The following CACNB1 variants were observed in gnomAD, a reference collection of about 807,000 sequenced individuals.
CACNB1 encodes the protein voltage-dependent L-type calcium channel subunit beta-1.
Under a neutral mutation model 71.6 loss-of-function variants are expected in CACNB1, and 29 were observed. That is an observed-to-expected ratio of 0.40 (90% confidence interval 0.30 to 0.55). The LOEUF is 0.55. Among genes scored for constraint, CACNB1 ranks in the 20% least tolerant of loss-of-function variants. The pLI is 0.38. For synonymous variants in CACNB1, 300 were observed against 319.6 expected (o/e 0.94, Z 0.65); for missense variants, 623 against 801.8 (o/e 0.78, Z 2.69).
At chr17:39,188,704 A>G (rs1045554158) in intron 3 of CACNB1, among the ~76,000 whole-genome samples, 2 of 152,178 alleles carry the variant, frequency 1.3e-5, no homozygotes, top group Non-Finnish European at 2.9e-5. Context: ...CAGGAATGAA[A>G]AGGGTTGGGG....
chr17:39,177,630 G>A, intron 12 of CACNB1, 95 bp from the exon 13 acceptor site: 2 of 966,740 alleles, frequency 2.1e-6, no homozygotes, highest in Non-Finnish European at 3.1e-6. Context: ...AGAGTCAAGG[G>A]ATTGAAGGAC....
At chr17:39,191,120 C>T (rs1480829574) in intron 3 of CACNB1, among the ~76,000 whole-genome samples, 2 of 152,006 alleles carry the variant, frequency 1.3e-5, no homozygotes, top group African/African-American at 4.8e-5. Context: ...AGGAGAATGG[C>T]GTGAACCCGG....
At position 39,197,577 on chromosome 17, in the gene CACNB1, C is replaced by A. The variant is rs952775190; in HGVS notation, c.-82G>T. 2.0e-5 allele frequency: 21 copies of A among 1,062,300 alleles called. No individual in the cohort carries two copies. The highest frequency in any genetic ancestry group is 3.0e-4 in the Middle Eastern group (1 of 3,376). The allele number at this position is 1,062,300 out of a possible 1,614,324, so 65.8% of individuals were successfully genotyped here. A position where few individuals can be genotyped will look rare whatever the true frequency, so the allele number is the denominator to read the frequency against. ...TGGGAGAGGCCGTGGGAGCCGAAAG[C>A]AGCGCGGCGCAGCCAGCACCCGGTC... On this transcript the variant is annotated 5_prime_UTR_variant, in exon 1 of 14. Coordinates refer to ENST00000394303, the MANE Select transcript of CACNB1 (RefSeq NM_000723.5).
chr17:39,184,133 T>TG lies in CACNB1; in HGVS notation c.795dup (p.Ile266HisfsTer12). 1 of 1,604,054 alleles carries TG rather than the reference T, an allele frequency of 6.2e-7. No homozygotes were observed. The highest frequency in any genetic ancestry group is 8.5e-7 in the Non-Finnish European group (1 of 1,172,538). On this transcript the variant is annotated frameshift_variant, in exon 10 of 14. Transcript: ENST00000394303. LOFTEE classifies it high-confidence loss of function. Reference sequence around the variant, plus strand: ...GAAATATCTGCCGTCACACGAGTGATGGAGATCCTGGGGAATGGGGCAAGA... The same window carrying TG: ...GAAATATCTGCCGTCACACGAGTGATGGGAGATCCTGGGGAATGGGGCAAGA...
chr17:39,196,504 T>C (rs114932700), intron 1 of CACNB1, among the ~76,000 whole-genome samples: 3 of 152,084 alleles, frequency 2.0e-5, no homozygotes, highest in Non-Finnish European at 4.4e-5. Flanking sequence ...CACATTATCA[T>C]GGTGGTTACA....
chr17:39,191,162 C>T (rs113644487), intron 3 of CACNB1, among the ~76,000 whole-genome samples: 5,700 of 152,104 alleles, frequency 0.037, 325 homozygotes, highest in African/African-American at 0.13. Context: ...CGAGATCATG[C>T]CACTGCACTC....
intron 3 of CACNB1, among the ~76,000 whole-genome samples, chr17:39,189,816 A>G (rs926042883): frequency 6.6e-6 from 1 of 151,768 alleles, no homozygotes; most frequent in Non-Finnish European, 1.5e-5. Context: ...CGGTTTTTAA[A>G]AAATAAAAGG....
At chr17:39,191,308 C>G (rs1187313058) in intron 3 of CACNB1, among the ~76,000 whole-genome samples, 166 bp downstream of exon 3, 2 of 142,492 alleles carry the variant, frequency 1.4e-5, no homozygotes, top group African/African-American at 5.0e-5. Context: ...TATAAGCAGG[C>G]AGGTATTATA....
intron 6 of CACNB1, chr17:39,185,806 C>T: frequency 1.2e-6 from 1 of 827,706 alleles, no homozygotes; most frequent in Admixed American, 2.8e-5. Flanking sequence ...TGTGCCCATG[C>T]TACCCTTCCC....
intron 11 of CACNB1, chr17:39,182,888 C>G: frequency 3.4e-6 from 3 of 888,006 alleles, no homozygotes; most frequent in Non-Finnish European, 4.0e-6. Context: ...AAAAAACAAC[C>G]AACAATAAGA....
rs1567788314 is a variant in CACNB1, at chr17:39,175,481, G to A, written c.1509C>T (p.Asp503=). The change falls in exon 14 of 14, where the codon GAC becomes GAT. Residue 503 remains aspartate (D), a synonymous_variant. Transcript: ENST00000394303. This position sits in a 1 kb window ranked among gnomAD's most constrained non-coding sequence, Gnocchi z 4.7. ...AGGCAGAGTTTCGGCTGCCGGGGGT[G>A]TCGGCATCAAAAGTGTCTTGGCGGG... is the stretch of plus-strand genomic sequence containing the variant. ...ALSRQDTFDA[D]TPGSRNSAYT... The A allele has an allele frequency of 1.9e-6, 3 of 1,614,114 alleles. No homozygotes were observed. The highest frequency in any genetic ancestry group is 1.6e-4 in the Middle Eastern group (1 of 6,062).
intron 11 of CACNB1, among the ~76,000 whole-genome samples, chr17:39,178,918 T>C (rs932244645): frequency 1.3e-5 from 2 of 152,186 alleles, no homozygotes; most frequent in African/African-American, 4.8e-5. Context: ...ACAGACAGTC[T>C]ACAGAATAGC....
At position 39,186,507 on chromosome 17, in the gene CACNB1, G is replaced by C. The variant is rs991478392; in HGVS notation, c.617C>G (p.Pro206Arg). The C allele has an allele frequency of 6.2e-7, 1 of 1,613,066 alleles. No homozygotes were observed. The highest frequency in any genetic ancestry group is 1.1e-5 in the South Asian group (1 of 90,960). The change falls in exon 6 of 14, where the codon CCC becomes CGC. Residue 206 changes from proline (P) to arginine (R), a missense_variant. By Grantham distance (103) the Pro-to-Arg change is moderately radical (BLOSUM62 -2). Coordinates refer to ENST00000394303, the MANE Select transcript of CACNB1 (RefSeq NM_000723.5). The surrounding 1 kb of genome is among the most constrained non-coding windows in gnomAD (Gnocchi z 4.1). The stretch of plus-strand genomic sequence containing the variant: ...GCGATGGCTCTTACCACTGGCAGGG[G>C]GTGTGGGGCGGCGGGTGCCAGTCAC... ...DVVTGTRRPT[P>R]PASAKQKQKS...
chr17:39,194,373 C>A lies in CACNB1; in HGVS notation c.171+511G>T, dbSNP rs963327318. ...CAGCCTCATGCCTCAACCACCCCCA[C>A]CCCCGTCACCATCACCCTTTCTCTG... On this transcript the variant is annotated intron_variant, in intron 2 of 13. Coordinates refer to ENST00000394303, the MANE Select transcript of CACNB1 (RefSeq NM_000723.5). The surrounding 1 kb of genome is among the most constrained non-coding windows in gnomAD (Gnocchi z 4.6). 1.3e-5 allele frequency among the ~76,000 whole-genome samples: 2 copies of A among 152,112 alleles called. No individual in the cohort carries two copies. The highest frequency in any genetic ancestry group is 2.9e-5 in the Non-Finnish European group (2 of 68,020).
rs570733598 is a variant in CACNB1, at chr17:39,197,624, G to A, written c.-129C>T. ...GGTCCAGCCACCCAGCTCGGCCTTCGGCTGCCTCCTTCCTGCCTTCCCTCG... is the reference window on the plus strand; with the variant it reads ...GGTCCAGCCACCCAGCTCGGCCTTCAGCTGCCTCCTTCCTGCCTTCCCTCG... On this transcript the variant is annotated 5_prime_UTR_variant, in exon 1 of 14. Transcript: ENST00000394303. The A allele has an allele frequency of 4.7e-6, 3 of 643,704 alleles. No individual in the cohort carries two copies. The South Asian group carries it at 6.0e-5, about 13-fold the overall frequency. The allele number at this position is 643,704 out of a possible 1,614,324, so 39.9% of individuals were successfully genotyped here. A position where few individuals can be genotyped will look rare whatever the true frequency, so the allele number is the denominator to read the frequency against.
In CACNB1 at chr17:39,191,480, C is replaced by T; in HGVS notation, c.285G>A (p.Lys95=). ...AERQALAQLE[K]AKTKPVAFAV... is the part of the protein sequence containing the mutation. Reference sequence around the variant, plus strand: ...CTCCCCACATCTTTCTCACCTTGGCCTTCTCGAGCTGCGCTAATGCCTGGC... The same window carrying T: ...CTCCCCACATCTTTCTCACCTTGGCTTTCTCGAGCTGCGCTAATGCCTGGC... The change falls in exon 3 of 14, where the codon AAG becomes AAA. Residue 95 remains lysine, a synonymous_variant. Transcript: ENST00000394303. The T allele has an allele frequency of 1.9e-6, 3 of 1,602,270 alleles. No homozygotes were observed. The highest frequency in any genetic ancestry group is 2.6e-6 in the Non-Finnish European group (3 of 1,176,264).
chr17:39,193,424 C>T, intron 2 of CACNB1: 1 of 443,906 alleles, frequency 2.3e-6, no homozygotes, highest in South Asian at 1.6e-5. Context: ...CTACCCGCTG[C>T]CACCCCACTC....
chr17:39,186,673 T>G lies in CACNB1; in HGVS notation c.552-101A>C. The G allele has an allele frequency of 6.6e-7, 1 of 1,518,136 alleles. No individual in the cohort carries two copies. The highest frequency in any genetic ancestry group is 9.1e-7 in the Non-Finnish European group (1 of 1,101,804). 94.0% of individuals were successfully genotyped at this position (1,518,136 alleles called of 1,614,324 possible). On this transcript the variant is annotated intron_variant, in intron 5 of 13. Coordinates refer to ENST00000394303, the MANE Select transcript of CACNB1 (RefSeq NM_000723.5). The surrounding 1 kb of genome is among the most constrained non-coding windows in gnomAD (Gnocchi z 4.1). ...ACCCCCGGAGGTGCTCCAGCCCCAC[T>G]GGTGATGCCACAGGCAGCTCTGTGC...
In CACNB1 at chr17:39,186,058, T is replaced by C; in HGVS notation, c.628+438A>G. 1 of 1,613,992 alleles carries C rather than the reference T, an allele frequency of 6.2e-7. No individual in the cohort carries two copies. The highest frequency in any genetic ancestry group is 8.5e-7 in the Non-Finnish European group (1 of 1,179,932). Reference sequence around the variant, plus strand: ...CACCAAGCTCAGCCTCTTCCTCCTCTAACTCTAGGGGGTCTAGTTCAAAGG... The same window carrying C: ...CACCAAGCTCAGCCTCTTCCTCCTCCAACTCTAGGGGGTCTAGTTCAAAGG... On this transcript the variant is annotated intron_variant, in intron 6 of 13. Transcript: ENST00000394303. The surrounding 1 kb of genome is among the most constrained non-coding windows in gnomAD (Gnocchi z 4.1).
Sources: allele counts gnomAD v4.1 joint callset (sites outside exome capture counted in the v4.1 genomes callset), GRCh38; gene constraint gnomAD v4.1.1; non-coding constraint Gnocchi (gnomAD v3.1); transcripts MANE v1.5; gene names NCBI Gene and HGNC (gene_info 2026-07-23, HGNC 2026-07-21).